Variants in XPO5 observed in about 807,000 individuals in gnomAD.
XPO5 encodes the protein exportin 5.
In XPO5, 46 loss-of-function variants were observed where a neutral mutation model predicts 160.6. The ratio of observed to expected loss-of-function variants is 0.29; its 90% CI spans 0.23 to 0.37. The LOEUF is 0.37. Among genes scored for constraint, XPO5 ranks in the 10% least tolerant of loss-of-function variants. The pLI, the probability that XPO5 is intolerant of heterozygous loss-of-function variation, is 1.00. For synonymous variants in XPO5, 537 were observed against 519.3 expected, an observed-to-expected ratio of 1.03 and a Z score of -0.46; for missense variants, 1,090 against 1,463.9, an observed-to-expected ratio of 0.74 and a Z score of 4.17.
chr6:43,549,110 C>A (rs1795106221), intron 17 of XPO5, among the ~76,000 whole-genome samples: 1 of 152,198 alleles, frequency 6.6e-6, no homozygotes, highest in Non-Finnish European at 1.5e-5. Context: ...GTTGCCCAGG[C>A]TGGAGCAATG....
At chr6:43,538,150 T>C (rs1471875980) in intron 20 of XPO5, among the ~76,000 whole-genome samples, 4 of 133,382 alleles carry the variant, frequency 3.0e-5, no homozygotes, top group African/African-American at 1.1e-4. Flanking sequence ...TTTTTTTTTT[T>C]TTTTTTTTTT....
At chr6:43,570,764 CAA>C (rs202021212) in intron 4 of XPO5, 80 bp from the exon 5 acceptor site, 31 of 1,153,226 alleles carry the variant, frequency 2.7e-5, no homozygotes, top group South Asian at 1.4e-4. Context: ...TTTCTGTTGC[CAA>C]AAAAAAAAAC....
Position 43,553,444 on chromosome 6 carries a change from C to T in XPO5, c.1501G>A (p.Val501Met), listed in dbSNP as rs1305801111. ...AAAAGAGTCATGGCTTCCCACTGCA[C>T]GAATGAAGGTGAGAAGACGGAACAG... ...SLCSVFSPSF[V>M]QWEAMTLFLE... is the part of the protein sequence containing the mutation. Residue 501 changes from valine to methionine, a missense_variant, in exon 14 of 32, where the codon GTG (valine) becomes ATG (methionine). This residue lies in a region of XPO5 where 810 missense variants were observed against 1,139.0 expected (regional missense o/e 0.71). Coordinates refer to ENST00000265351, the MANE Select transcript of XPO5 (RefSeq NM_020750.3). The T allele has an allele frequency of 6.3e-6, 10 of 1,595,044 alleles. No individual in the cohort carries two copies. Among genetic ancestry groups the T allele is most frequent in the Admixed American group, 3.5e-5 (2 of 56,802 alleles).
chr6:43,550,058 G>GT (rs1452840479), intron 15 of XPO5, 124 bp from the exon 16 acceptor site: 5 of 1,004,748 alleles, frequency 5.0e-6, no homozygotes, highest in Non-Finnish European at 4.6e-6. Flanking sequence ...AGCCTTCTGA[G>GT]TAGCTGGGAC....
At chr6:43,571,101 T>G in intron 3 of XPO5, 107 bp from the exon 4 acceptor site, 1 of 1,159,330 alleles carries the variant, frequency 8.6e-7, no homozygotes, top group East Asian at 2.4e-5. Flanking sequence ...GGCCTACTTT[T>G]AAACCAAACA....
intron 20 of XPO5, among the ~76,000 whole-genome samples, chr6:43,535,338 C>T (rs1422669934): frequency 6.6e-6 from 1 of 151,930 alleles, no homozygotes; most frequent in Non-Finnish European, 1.5e-5. Context: ...GCTTGTAATC[C>T]CAGCACTTTG....
At chr6:43,545,555 A>C (rs1279069572) in intron 20 of XPO5, among the ~76,000 whole-genome samples, 1 of 151,988 alleles carries the variant, frequency 6.6e-6, no homozygotes, top group Admixed American at 6.6e-5. Flanking sequence ...AAAAATACAA[A>C]AATTAGCCAG....
At chr6:43,573,214 C>T (rs544830827) in intron 2 of XPO5, among the ~76,000 whole-genome samples, 6 of 152,158 alleles carry the variant, frequency 3.9e-5, no homozygotes, top group Non-Finnish European at 7.3e-5. Flanking sequence ...ATAGTCAGAG[C>T]TCAGTAAGTA....
At chr6:43,537,221 C>G (rs971598763) in intron 20 of XPO5, among the ~76,000 whole-genome samples, 1 of 151,884 alleles carries the variant, frequency 6.6e-6, no homozygotes, top group Admixed American at 6.6e-5. Flanking sequence ...ATCCTCCTGC[C>G]CTGGCCTCCC....
chr6:43,523,993 C>G lies in XPO5; in HGVS notation c.3490G>C (p.Glu1164Gln). ...ATGTGAACTTCTTTTCGGAACTGCT[C>G]TCCCAAGGGTTTCTGTGGAAAACAA... is the stretch of plus-strand genomic sequence containing the variant. ...IAGCIGKPLGEQFRKEVHIKN... is the reference protein window; with the variant it reads ...IAGCIGKPLGQQFRKEVHIKN... The change falls in exon 32 of 32, where the codon GAG becomes CAG. Residue 1164 changes from glutamate to glutamine, a missense_variant. Glu to Gln is a conservative substitution (Grantham distance 29, BLOSUM62 2). Coordinates refer to ENST00000265351, the MANE Select transcript of XPO5 (RefSeq NM_020750.3). 1.2e-6 allele frequency: 2 copies of G among 1,613,248 alleles called. No individual in the cohort carries two copies. The highest frequency in any genetic ancestry group is 8.5e-7 in the Non-Finnish European group (1 of 1,179,864).
chr6:43,570,760 T>C (rs960987677), intron 4 of XPO5, 76 bp from the exon 5 acceptor site: 2 of 1,529,900 alleles, frequency 1.3e-6, no homozygotes, highest in Admixed American at 4.6e-5. Context: ...CTATTTTCTG[T>C]TGCCAAAAAA....
intron 20 of XPO5, among the ~76,000 whole-genome samples, chr6:43,537,564 G>T (rs769962564): frequency 6.6e-6 from 1 of 152,142 alleles, no homozygotes; most frequent in Admixed American, 6.5e-5. Context: ...ATGTTCCAAC[G>T]GAAGTTTACT....
chr6:43,525,074 T>C, intron 29 of XPO5, 33 bp downstream of exon 29: 3 of 1,571,404 alleles, frequency 1.9e-6, no homozygotes, highest in Non-Finnish European at 2.6e-6. Flanking sequence ...AAACCTTCCA[T>C]GAGGGGCAGG....
chr6:43,564,491 T>C (rs1762586836), intron 8 of XPO5, among the ~76,000 whole-genome samples: 1 of 151,576 alleles, frequency 6.6e-6, no homozygotes, highest in Non-Finnish European at 1.5e-5. Context: ...ATCGCATCAT[T>C]GCACCCCAGC....
Position 43,546,582 on chromosome 6 carries a change from A to C in XPO5, c.2331T>G (p.Leu777=). ...EQILKLLDNL[L]ALIRTHNTLY... is the part of the protein sequence containing the mutation. ...TTATTCTGACTCACCTTATAAGCGC[A>C]AGCAAATTGTCAAGAAGTTTCAGAA... The change falls in exon 20 of 32, where the codon CTT becomes CTG. Residue 777 remains leucine (L), a synonymous_variant. Coordinates refer to ENST00000265351, the MANE Select transcript of XPO5 (RefSeq NM_020750.3). The C allele has an allele frequency of 6.2e-7, 1 of 1,608,390 alleles. No homozygotes were observed. Among genetic ancestry groups the C allele is most frequent in the South Asian group, 1.1e-5 (1 of 89,452 alleles).
intron 21 of XPO5, 51 bp downstream of exon 21, chr6:43,533,856 A>G (rs1794153767): frequency 4.1e-5 from 57 of 1,375,756 alleles, no homozygotes; most frequent in Non-Finnish European, 5.5e-5. Flanking sequence ...AAAAGGGGAC[A>G]TCCATTAGGG....
chr6:43,531,861 T>C (rs1794004790), intron 21 of XPO5, among the ~76,000 whole-genome samples: 1 of 152,138 alleles, frequency 6.6e-6, no homozygotes, highest in Non-Finnish European at 1.5e-5. Context: ...TATTTTTCCA[T>C]AAAGCTCTGG....
chr6:43,548,233 A>G, intron 18 of XPO5, 28 bp downstream of exon 18: 1 of 1,553,312 alleles, frequency 6.4e-7, no homozygotes, highest in African/African-American at 1.4e-5. Flanking sequence ...TGAGTATAGT[A>G]AGAGTCAGGG....
Position 43,570,414 on chromosome 6 carries a change from AC to A in XPO5, c.621+87del, listed in dbSNP as rs1762955468. 3 of 1,143,442 alleles carry A rather than the reference AC, an allele frequency of 2.6e-6. No homozygotes were observed. In the South Asian group the frequency reaches 8.6e-5, roughly 33 times the overall value. The allele number at this position is 1,143,442 out of a possible 1,614,324, so 70.8% of individuals were successfully genotyped here. ...TATAAAATAGGATTTCATTTTGCTG[AC>A]CTAGACACCCTAGTTCCTTACTGTA... is the stretch of plus-strand genomic sequence containing the variant. On this transcript the variant is annotated intron_variant, in intron 5 of 31. Coordinates refer to ENST00000265351, the MANE Select transcript of XPO5 (RefSeq NM_020750.3).
Sources: allele counts gnomAD v4.1 joint callset (sites outside exome capture counted in the v4.1 genomes callset), GRCh38; gene constraint gnomAD v4.1.1; regional missense constraint gnomAD v4.1.1; transcripts MANE v1.5; gene names NCBI Gene and HGNC (gene_info 2026-07-23, HGNC 2026-07-21).